IWS1: variants seen among roughly 807,000 people sequenced by gnomAD.
IWS1 encodes interacts with SUPT6H, CTD assembly factor 1.
IWS1 carries 27 observed loss-of-function variants against 86.7 expected under a neutral mutation model. That is an observed-to-expected ratio of 0.31 (90% CI 0.23 to 0.43). The LOEUF is 0.43. Ranked by LOEUF, IWS1 falls within the 20% of genes least tolerant of loss-of-function variation. The pLI, the probability that IWS1 is intolerant of heterozygous loss-of-function variation, is 1.00. For missense variants in IWS1, 827 were observed against 1,000.8 expected, an observed-to-expected ratio of 0.83 and a Z score of 2.34; for synonymous variants, 313 against 335.1, an observed-to-expected ratio of 0.93 and a Z score of 0.72.
At position 127,505,569 on chromosome 2, in the gene IWS1, C is replaced by T; in HGVS notation, c.334G>A (p.Asp112Asn). 1 of 1,613,968 alleles carries T rather than the reference C, an allele frequency of 6.2e-7. No individual in the cohort carries two copies. The highest frequency in any genetic ancestry group is 1.6e-4 in the Middle Eastern group (1 of 6,062). Residue 112 changes from aspartate to asparagine, a missense_variant, in exon 3 of 14, where the codon GAT (aspartate) becomes AAT (asparagine). This residue lies in a region of IWS1 where 548 missense variants were observed against 560.2 expected (regional missense o/e 0.98). Coordinates refer to ENST00000295321, the MANE Select transcript of IWS1 (RefSeq NM_017969.3). This position sits in a 1 kb window ranked among gnomAD's most constrained non-coding sequence, Gnocchi z 5.0. ...EPPASDSENE[D>N]VNQHGSDSES... is the part of the protein sequence containing the mutation. ...GAGTCGCTCCCATGCTGATTGACAT[C>T]CTCATTTTCAGAATCGCTTGCAGGA... is the stretch of plus-strand genomic sequence containing the variant.
chr2:127,524,093 T>C (rs142517142), intron 1 of IWS1, among the ~76,000 whole-genome samples: 245 of 152,342 alleles, frequency 1.6e-3, no homozygotes, highest in African/African-American at 5.6e-3. Flanking sequence ...TGGGTCTTTC[T>C]CTCCATGGCA....
At chr2:127,495,453 T>C (rs1301171247) in intron 7 of IWS1, among the ~76,000 whole-genome samples, 1 of 152,226 alleles carries the variant, frequency 6.6e-6, no homozygotes, top group African/African-American at 2.4e-5. Context: ...TGAATACACA[T>C]AGCTAGTCTT....
At chr2:127,520,719 G>C (rs1440199081) in intron 2 of IWS1, among the ~76,000 whole-genome samples, 1 of 152,086 alleles carries the variant, frequency 6.6e-6, no homozygotes, top group Admixed American at 6.5e-5. Flanking sequence ...CTCTAATCTC[G>C]TTAATTCTCC....
chr2:127,481,255 G>A, intron 13 of IWS1, 80 bp from the exon 14 acceptor site: 1 of 1,322,664 alleles, frequency 7.6e-7, no homozygotes. Flanking sequence ...TTATAACTGA[G>A]TTAGCAACCA....
At chr2:127,490,077 A>C in intron 10 of IWS1, 134 bp from the exon 11 acceptor site, 1 of 638,790 alleles carries the variant, frequency 1.6e-6, no homozygotes, top group South Asian at 1.8e-5. Context: ...ATTATTTCAG[A>C]GTAATTTATA....
intron 10 of IWS1, among the ~76,000 whole-genome samples, chr2:127,490,203 C>G (rs1286837993): frequency 1.3e-5 from 2 of 152,086 alleles, no homozygotes; most frequent in Non-Finnish European, 2.9e-5. Flanking sequence ...CTTTAATAGT[C>G]AACAATTAGC....
chr2:127,519,159 T>C (rs1452419393), intron 2 of IWS1, among the ~76,000 whole-genome samples: 1 of 152,156 alleles, frequency 6.6e-6, no homozygotes, highest in East Asian at 1.9e-4. Flanking sequence ...TAAACAGAGA[T>C]GTTATTAGAA....
chr2:127,527,046 C>T (rs973896271), upstream of IWS1, among the ~76,000 whole-genome samples: 1 of 152,212 alleles, frequency 6.6e-6, no homozygotes, highest in African/African-American at 2.4e-5. Flanking sequence ...CAGAAGGGTT[C>T]CCCTGATGAA....
intron 5 of IWS1, among the ~76,000 whole-genome samples, chr2:127,500,479 T>A (rs558408868): frequency 2.6e-5 from 4 of 152,294 alleles, no homozygotes; most frequent in Non-Finnish European, 4.4e-5. Context: ...GACCTCTTTA[T>A]CTTAAGTACT....
chr2:127,483,589 GGTGGGGGGGT>G, intron 13 of IWS1, among the ~76,000 whole-genome samples: 1 of 41,634 alleles, frequency 2.4e-5, no homozygotes, highest in African/African-American at 8.0e-5. Context: ...GGGGTGGTGG[GGTGGGGGGGT>G]TGGGCTGTGT....
At chr2:127,494,077 G>C (rs1690380288) in intron 8 of IWS1, among the ~76,000 whole-genome samples, 1 of 151,842 alleles carries the variant, frequency 6.6e-6, no homozygotes, top group Non-Finnish European at 1.5e-5. Flanking sequence ...TTAGTTCAAA[G>C]AGAAAGCAAG....
At chr2:127,515,587 A>G (rs1691724889) in intron 2 of IWS1, among the ~76,000 whole-genome samples, 1 of 152,222 alleles carries the variant, frequency 6.6e-6, no homozygotes, top group African/African-American at 2.4e-5. Flanking sequence ...GATAAACAAG[A>G]AGTCAAACAA....
chr2:127,515,920 G>A (rs538509802), intron 2 of IWS1, among the ~76,000 whole-genome samples: 1 of 152,320 alleles, frequency 6.6e-6, no homozygotes, highest in South Asian at 2.1e-4. Flanking sequence ...GCCTGCTGCT[G>A]TGGCTAAGTT....
intron 3 of IWS1, 41 bp downstream of exon 3, chr2:127,504,643 T>C: frequency 1.5e-6 from 2 of 1,369,692 alleles, no homozygotes; most frequent in Non-Finnish European, 2.0e-6. Flanking sequence ...GCTTAGACAA[T>C]GAATAAAGCC....
rs1209236337 is a variant in IWS1 at position 127,499,281 on chromosome 2, G to A, written c.1468-1044C>T. ...AATTTTTCGTATTTTTAGTAGAGAT[G>A]GGGTTTCACCACGTTAGCCAGGATG... On this transcript the variant is annotated intron_variant, in intron 5 of 13. Transcript: ENST00000295321. This position sits in a 1 kb window ranked among gnomAD's most constrained non-coding sequence, Gnocchi z 4.0. Among the ~76,000 whole-genome samples the A allele has an allele frequency of 6.6e-6, 1 of 151,958 alleles. No homozygotes were observed. The highest frequency in any genetic ancestry group is 2.4e-5 in the African/African-American group (1 of 41,372).
In IWS1 at chr2:127,493,377, A is replaced by C; in HGVS notation, c.1833T>G (p.Gly611=). 5 of 1,612,112 alleles carry C rather than the reference A, an allele frequency of 3.1e-6. No homozygotes were observed. Among genetic ancestry groups the C allele is most frequent in the Non-Finnish European group, 2.5e-6 (3 of 1,179,356 alleles). ...GCCATTCTTTGATGGCAGACATCAC[A>C]CCACTGTCAATGAATGTTTCTTTAA... ...QDLKETFIDS[G]VMSAIKEWLS... Residue 611 remains glycine (G), a synonymous_variant, in exon 9 of 14, where the codon GGT becomes GGG. Transcript: ENST00000295321.
chr2:127,488,804 T>C (rs1467136157), intron 12 of IWS1, among the ~76,000 whole-genome samples: 1 of 152,204 alleles, frequency 6.6e-6, no homozygotes, highest in Admixed American at 6.5e-5. Flanking sequence ...TTCAGTCTAC[T>C]TGCCATTCCA....
chr2:127,481,169 C>A lies in IWS1; in HGVS notation c.2335G>T (p.Ala779Ser). 1 of 1,593,850 alleles carries A rather than the reference C, an allele frequency of 6.3e-7. No individual in the cohort carries two copies. Among genetic ancestry groups the A allele is most frequent in the Admixed American group, 1.9e-5 (1 of 54,026 alleles). Reference protein sequence around the residue: ...NVEMESSRFQATSKKGISRLD... With the variant: ...NVEMESSRFQSTSKKGISRLD... ...CGACTGATACCCTTCTTGGAGGTCG[C>A]CTGAAACTAAGAGTAAGGGAAAAAT... Residue 779 changes from alanine to serine, a missense_variant, in exon 14 of 14, where the codon GCG (alanine) becomes TCG (serine). Coordinates refer to ENST00000295321, the MANE Select transcript of IWS1 (RefSeq NM_017969.3).
intron 1 of IWS1, among the ~76,000 whole-genome samples, chr2:127,525,693 C>A (rs1417521243): frequency 1.3e-5 from 2 of 152,192 alleles, no homozygotes; most frequent in Non-Finnish European, 2.9e-5. Flanking sequence ...GGCACAAAAA[C>A]CACCAGTAAG....
Sources: allele counts gnomAD v4.1 joint callset (sites outside exome capture counted in the v4.1 genomes callset), GRCh38; gene constraint gnomAD v4.1.1; regional missense constraint gnomAD v4.1.1; non-coding constraint Gnocchi (gnomAD v3.1); transcripts MANE v1.5; gene names NCBI Gene and HGNC (gene_info 2026-07-23, HGNC 2026-07-21).